Variants in LRRN2 observed in about 807,000 individuals in gnomAD.
LRRN2 encodes leucine-rich repeat neuronal protein 2.
A neutral mutation model predicts 35.7 loss-of-function variants in LRRN2; 10 were observed. The ratio of observed to expected loss-of-function variants is 0.28; its 90% CI spans 0.17 to 0.47. The LOEUF (loss-of-function observed/expected upper bound fraction) is 0.47, where lower values mean the gene tolerates loss of function less well. LRRN2 is among the 20% of genes least tolerant of loss of function. The pLI is 0.99. For missense variants in LRRN2, 731 were observed against 940.3 expected (o/e 0.78, Z 2.91); for synonymous variants, 391 against 409.6 (o/e 0.95, Z 0.55).
chr1:204,642,836 G>A (rs1206336697), intron 1 of LRRN2, among the ~76,000 whole-genome samples: 1 of 152,216 alleles, frequency 6.6e-6, no homozygotes, highest in Non-Finnish European at 1.5e-5. Context: ...GAGGGAGGAG[G>A]ACATCAGGGT....
chr1:204,652,126 G>A (rs1194781644), intron 1 of LRRN2, among the ~76,000 whole-genome samples: 1 of 152,100 alleles, frequency 6.6e-6, no homozygotes, highest in East Asian at 1.9e-4. Context: ...AAAGGTTGCG[G>A]ATGGCTTCAC....
At chr1:204,671,595 C>G (rs1399789872) in intron 1 of LRRN2, among the ~76,000 whole-genome samples, 2 of 136,046 alleles carry the variant, frequency 1.5e-5, no homozygotes, top group Non-Finnish European at 3.1e-5. Context: ...GGACCATGGC[C>G]TCTATCTGGA....
chr1:204,634,976 T>A (rs140050598), intron 1 of LRRN2, among the ~76,000 whole-genome samples: 1 of 152,308 alleles, frequency 6.6e-6, no homozygotes, highest in African/African-American at 2.4e-5. Flanking sequence ...GAAATATGCA[T>A]GGTGAGCTGA....
At chr1:204,665,420 A>G (rs1392172310) in intron 1 of LRRN2, among the ~76,000 whole-genome samples, 2 of 152,124 alleles carry the variant, frequency 1.3e-5, no homozygotes, top group African/African-American at 2.4e-5. Context: ...GGTTACAGGT[A>G]TGAGCACCCC....
chr1:204,639,955 A>G (rs1667943746), intron 1 of LRRN2, among the ~76,000 whole-genome samples: 1 of 152,142 alleles, frequency 6.6e-6, no homozygotes, highest in South Asian at 2.1e-4. Context: ...ATAATTATAT[A>G]TATTAACAAC....
intron 1 of LRRN2, among the ~76,000 whole-genome samples, chr1:204,657,490 A>G (rs1448934164): frequency 6.6e-6 from 1 of 152,180 alleles, no homozygotes; most frequent in African/African-American, 2.4e-5. Context: ...AAAGGCTACG[A>G]ATTGTATGAT....
chr1:204,657,757 A>T (rs956158825), intron 1 of LRRN2, among the ~76,000 whole-genome samples: 2 of 152,162 alleles, frequency 1.3e-5, no homozygotes, highest in African/African-American at 2.4e-5. Context: ...TCAATTTTTT[A>T]AAAAGGCCCC....
intron 1 of LRRN2, among the ~76,000 whole-genome samples, chr1:204,684,767 G>T (rs1455127447): frequency 6.6e-6 from 1 of 152,062 alleles, no homozygotes; most frequent in African/African-American, 2.4e-5. Context: ...CAGCCGGCCC[G>T]GGAGGAGCCT....
intron 1 of LRRN2, among the ~76,000 whole-genome samples, chr1:204,679,622 C>A (rs1049340340): frequency 6.6e-6 from 1 of 152,182 alleles, no homozygotes; most frequent in African/African-American, 2.4e-5. Context: ...CACGAGTCTG[C>A]CTTGTTAGAG....
At chr1:204,645,501 C>T (rs1668083743) in intron 1 of LRRN2, among the ~76,000 whole-genome samples, 1 of 152,066 alleles carries the variant, frequency 6.6e-6, no homozygotes, top group Non-Finnish European at 1.5e-5. Flanking sequence ...GGGTTTAGGT[C>T]GACAAGGCAC....
intron 1 of LRRN2, among the ~76,000 whole-genome samples, chr1:204,647,707 C>T (rs928143287): frequency 6.6e-6 from 1 of 152,180 alleles, no homozygotes; most frequent in Non-Finnish European, 1.5e-5. Flanking sequence ...TGCGGAGTCA[C>T]TCTATGACTC....
intron 1 of LRRN2, among the ~76,000 whole-genome samples, chr1:204,651,984 C>G (rs1234214118): frequency 6.6e-6 from 1 of 152,244 alleles, no homozygotes; most frequent in Non-Finnish European, 1.5e-5. Flanking sequence ...CTCCCAGTGC[C>G]CGGGTACCAG....
At chr1:204,661,229 A>T (rs530521061) in intron 1 of LRRN2, among the ~76,000 whole-genome samples, 27 of 152,354 alleles carry the variant, frequency 1.8e-4, no homozygotes, top group Admixed American at 1.4e-3. Flanking sequence ...CTCCATTCAC[A>T]TGAAATTCAA....
chr1:204,679,960 G>A (rs1380001336), intron 1 of LRRN2, among the ~76,000 whole-genome samples: 2 of 152,214 alleles, frequency 1.3e-5, no homozygotes, highest in African/African-American at 2.4e-5. Context: ...GCTGGCTTAG[G>A]GGACTTTCTT....
rs920209547 is a variant in LRRN2, at chr1:204,618,413, T to G, written c.1580A>C (p.Gln527Pro). 2 of 1,613,884 alleles carry G rather than the reference T, an allele frequency of 1.2e-6. No individual in the cohort carries two copies. Among genetic ancestry groups the G allele is most frequent in the Non-Finnish European group, 1.7e-6 (2 of 1,179,804 alleles). The change falls in exon 2 of 2, where the codon CAG (glutamine) becomes CCG (proline). Residue 527 changes from glutamine to proline, a missense_variant. Coordinates refer to ENST00000367177, the MANE Select transcript of LRRN2 (RefSeq NM_201630.2). ...CTCCTGCACCCGGAGCTCCAGCCCC[T>G]GTCCTTCGTCCCTGCCTGGCTGGAG... ...ALLQPGRDEG[Q>P]GLELRVQETH... is the part of the protein sequence containing the mutation.
intron 1 of LRRN2, among the ~76,000 whole-genome samples, chr1:204,650,577 A>G (rs1668200560): frequency 6.6e-6 from 1 of 152,094 alleles, no homozygotes; most frequent in Non-Finnish European, 1.5e-5. Flanking sequence ...CCTGGCATCC[A>G]GGAGGGGTTG....
intron 1 of LRRN2, chr1:204,682,784 C>A (rs1231454034): frequency 6.6e-6 from 1 of 152,190 alleles, no homozygotes; most frequent in African/African-American, 2.4e-5. Flanking sequence ...AGAAAAGTAT[C>A]CTAAGGACAG....
At chr1:204,620,774 A>G (rs1382312033) in intron 1 of LRRN2, 3 of 167,094 alleles carry the variant, frequency 1.8e-5, no homozygotes, top group Admixed American at 6.5e-5. Flanking sequence ...AGGAGAGTGG[A>G]TGGGCTGAAA....
intron 1 of LRRN2, among the ~76,000 whole-genome samples, chr1:204,668,530 G>T (rs1668637204): frequency 6.6e-6 from 1 of 152,186 alleles, no homozygotes; most frequent in African/African-American, 2.4e-5. Context: ...GGGAGGCAGA[G>T]GTTGCAGTGA....
Sources: allele counts gnomAD v4.1 joint callset (sites outside exome capture counted in the v4.1 genomes callset), GRCh38; gene constraint gnomAD v4.1.1; transcripts MANE v1.5; gene names NCBI Gene and HGNC (gene_info 2026-07-23, HGNC 2026-07-21).